Variants in MGAT4C observed in about 807,000 individuals in gnomAD.
The protein encoded by MGAT4C is MGAT4 family member C, also known as alpha-1,3-mannosyl-glycoprotein 4-beta-N-acetylglucosaminyltransferase C.
A neutral mutation model predicts 40.1 loss-of-function variants in MGAT4C; 19 were observed. That is an observed-to-expected ratio of 0.47 (90% CI 0.33 to 0.70). The LOEUF (loss-of-function observed/expected upper bound fraction) is 0.70. Ranked by LOEUF, MGAT4C falls within the 30% of genes least tolerant of loss-of-function variation. The pLI is 0.02. For synonymous variants in MGAT4C, 181 were observed against 187.1 expected (o/e 0.97, Z 0.27); for missense variants, 491 against 563.2 (o/e 0.87, Z 1.30).
chr12:86,764,959 C>T (rs1951477485), intron 1 of MGAT4C, among the ~76,000 whole-genome samples: 1 of 152,152 alleles, frequency 6.6e-6, no homozygotes, highest in African/African-American at 2.4e-5. Context: ...AGCAGAGCGC[C>T]TCTCCTACTC....
rs1244239535 is a variant in MGAT4C at position 86,129,813 on chromosome 12, C to A, written c.-56-80090G>T. On this transcript the variant is annotated intron_variant, in intron 1 of 4. Transcript: ENST00000611864. ...TGACCTCGTGATCCGCCCGCCTCGG[C>A]CTCCCAAAGTGCTGGGATTACAGGC... Among the ~76,000 whole-genome samples, 2 of 13,148 alleles carry A rather than the reference C, an allele frequency of 1.5e-4. 1 individual carries two copies. Among genetic ancestry groups the A allele is most frequent in the Non-Finnish European group, 2.2e-4 (2 of 9,010 alleles). 8.6% of individuals were successfully genotyped at this position (13,148 alleles called of 152,430 possible). A position where few individuals can be genotyped will look rare whatever the true frequency, so the allele number is the denominator to read the frequency against.
At position 86,135,097 on chromosome 12, in the gene MGAT4C, A is replaced by G. The variant is rs199527416; in HGVS notation, c.-56-85374T>C. 4.6e-5 allele frequency among the ~76,000 whole-genome samples: 7 copies of G among 152,284 alleles called. No individual in the cohort carries two copies. In the East Asian group the frequency reaches 1.4e-3, roughly 29 times the overall value. ...CCTGTTTTATTTCTTTTATCATACC[A>G]TATCACATATATATTGCTCAATTTG... On this transcript the variant is annotated intron_variant, in intron 1 of 4. Coordinates refer to ENST00000611864, the MANE Select transcript of MGAT4C (RefSeq NM_001351288.2).
intron 2 of MGAT4C, among the ~76,000 whole-genome samples, chr12:86,586,051 T>C (rs1295705630): frequency 6.7e-6 from 1 of 148,788 alleles, no homozygotes; most frequent in Non-Finnish European, 1.5e-5. Context: ...CTGCACCCAT[T>C]AACTCCTCAT....
chr12:86,751,006 A>G (rs1222065871), intron 1 of MGAT4C, among the ~76,000 whole-genome samples: 1 of 152,020 alleles, frequency 6.6e-6, no homozygotes, highest in African/African-American at 2.4e-5. Context: ...TCAATAGCTC[A>G]TACCGTAAGA....
At chr12:86,156,408 C>T (rs543511886) in intron 1 of MGAT4C, among the ~76,000 whole-genome samples, 3 of 152,216 alleles carry the variant, frequency 2.0e-5, no homozygotes, top group Admixed American at 6.5e-5. Context: ...CCGCAACCTC[C>T]GTGTCCCAGG....
chr12:86,017,490 A>G (rs1324882977), intron 2 of MGAT4C, among the ~76,000 whole-genome samples: 1 of 152,160 alleles, frequency 6.6e-6, no homozygotes, highest in Admixed American at 6.5e-5. Flanking sequence ...GGATAATACC[A>G]CTTGTTAGTT....
chr12:86,315,309 A>C (rs1453334518), intron 4 of MGAT4C, among the ~76,000 whole-genome samples: 1 of 152,212 alleles, frequency 6.6e-6, no homozygotes, highest in South Asian at 2.1e-4. Flanking sequence ...CTGGCTAGCC[A>C]TGTGCAGAAG....
intron 2 of MGAT4C, among the ~76,000 whole-genome samples, chr12:86,046,598 A>G (rs1352734272): frequency 6.6e-6 from 1 of 152,180 alleles, no homozygotes; most frequent in African/African-American, 2.4e-5. Flanking sequence ...CACGCAACCT[A>G]TAGACTCATG....
At chr12:86,140,680 G>T (rs1400161232) in intron 1 of MGAT4C, among the ~76,000 whole-genome samples, 1 of 151,980 alleles carries the variant, frequency 6.6e-6, no homozygotes, top group Non-Finnish European at 1.5e-5. Context: ...AAAATAATAT[G>T]TGCCCCCTAC....
At chr12:85,999,581 GTGTATATA>G (rs1490238987) in intron 2 of MGAT4C, among the ~76,000 whole-genome samples, 1,438 of 116,770 alleles carry the variant, frequency 0.012, 12 homozygotes, top group African/African-American at 0.021. Flanking sequence ...GTGTGTGTGT[GTGTATATA>G]TATATATATA....
chr12:86,062,559 A>T (rs1278581856), intron 1 of MGAT4C, among the ~76,000 whole-genome samples: 1 of 152,062 alleles, frequency 6.6e-6, no homozygotes, highest in African/African-American at 2.4e-5. Flanking sequence ...GCTTCAGAAG[A>T]TGGGTAATAA....
chr12:86,556,666 T>A (rs1429420164), intron 2 of MGAT4C, among the ~76,000 whole-genome samples: 2 of 152,206 alleles, frequency 1.3e-5, no homozygotes, highest in Non-Finnish European at 2.9e-5. Context: ...TCCTTTAATA[T>A]GCATTAAGTA....
chr12:86,554,075 A>G (rs557496779), intron 2 of MGAT4C, among the ~76,000 whole-genome samples: 2 of 151,770 alleles, frequency 1.3e-5, no homozygotes, highest in African/African-American at 4.8e-5. Context: ...TTTACCTTCA[A>G]TATGCCCAAA....
chr12:86,148,150 T>C (rs888194583), intron 1 of MGAT4C, among the ~76,000 whole-genome samples: 1 of 152,198 alleles, frequency 6.6e-6, no homozygotes. Flanking sequence ...TTAAAAGACT[T>C]CTTGCAAACA....
chr12:86,766,169 G>A (rs1016882267), intron 1 of MGAT4C, among the ~76,000 whole-genome samples: 1 of 152,040 alleles, frequency 6.6e-6, no homozygotes, highest in African/African-American at 2.4e-5. Context: ...AAGGATGGAG[G>A]AAGATCAACC....
intron 2 of MGAT4C, among the ~76,000 whole-genome samples, chr12:86,663,352 T>TAAA (rs1964024381): frequency 2.2e-5 from 1 of 44,586 alleles, no homozygotes; most frequent in Admixed American, 3.2e-4. Flanking sequence ...CTCCTCTGTC[T>TAAA]CAAAAAAAAA....
chr12:86,015,589 T>A (rs1218157431), intron 2 of MGAT4C: 1 of 152,220 alleles, frequency 6.6e-6, no homozygotes, highest in Non-Finnish European at 1.5e-5. Context: ...AGTCTGGGAT[T>A]GCTTGAGACA....
intron 1 of MGAT4C, among the ~76,000 whole-genome samples, chr12:86,250,298 AAAAC>A (rs1952215341): frequency 1.3e-5 from 2 of 150,914 alleles, no homozygotes; most frequent in African/African-American, 2.4e-5. Context: ...TCATTAAAAC[AAAAC>A]AAACAAGCAA....
intron 2 of MGAT4C, among the ~76,000 whole-genome samples, chr12:86,531,062 A>G (rs1958973266): frequency 6.6e-6 from 1 of 152,098 alleles, no homozygotes; most frequent in Admixed American, 6.6e-5. Context: ...TTGGCCAACT[A>G]CTCATGGATG....
Sources: gnomAD v4.1 joint callset for allele counts (sites outside exome capture counted in the v4.1 genomes callset) on GRCh38, gnomAD v4.1.1 for gene constraint, MANE v1.5 for transcripts, NCBI Gene and HGNC (gene_info 2026-07-23, HGNC 2026-07-21) for gene names.